The following LZTFL1 variants were observed in gnomAD, a reference collection of about 807,000 sequenced individuals.
The protein encoded by LZTFL1 is leucine zipper transcription factor-like protein 1.
A neutral mutation model predicts 45.9 loss-of-function variants in LZTFL1; 25 were observed. That is an observed-to-expected ratio of 0.54 (90% CI 0.40 to 0.76). LZTFL1 has a LOEUF of 0.76. Among genes scored for constraint, LZTFL1 ranks in the 30% least tolerant of loss-of-function variants. LZTFL1 has a pLI of 0.00. For synonymous variants in LZTFL1, 93 were observed against 117.4 expected, an observed-to-expected ratio of 0.79 and a Z score of 1.35; for missense variants, 277 against 331.1, an observed-to-expected ratio of 0.84 and a Z score of 1.27.
At chr3:45,841,526 CCG>C (rs1553613146) in intron 1 of LZTFL1, among the ~76,000 whole-genome samples, 5 of 152,140 alleles carry the variant, frequency 3.3e-5, no homozygotes, top group Non-Finnish European at 5.9e-5. Context: ...CCTCTGGTTA[CCG>C]CGCGCGCGCG....
intron 2 of LZTFL1, among the ~76,000 whole-genome samples, chr3:45,879,379 T>C (rs1701810712): frequency 6.6e-6 from 1 of 152,136 alleles, no homozygotes; most frequent in African/African-American, 2.4e-5. Context: ...GAGCCTTAAA[T>C]CCATATCAGT....
intron 4 of LZTFL1, among the ~76,000 whole-genome samples, chr3:45,848,472 A>G (rs947693686): frequency 3.3e-5 from 5 of 152,260 alleles, no homozygotes; most frequent in Admixed American, 6.5e-5. Flanking sequence ...CACACAAAAT[A>G]TGCAAGAACT....
intron 4 of LZTFL1, chr3:45,854,909 TG>T: frequency 9.6e-7 from 1 of 1,041,964 alleles, no homozygotes; most frequent in Non-Finnish European, 1.4e-6. Flanking sequence ...TCATCTAATC[TG>T]GAATAACAAT....
intron 2 of LZTFL1, among the ~76,000 whole-genome samples, chr3:45,859,511 G>A (rs1701446431): frequency 6.6e-6 from 1 of 152,152 alleles, no homozygotes; most frequent in African/African-American, 2.4e-5. Context: ...ACAGATGTGA[G>A]CCACTGAATG....
chr3:45,855,066 C>T lies in LZTFL1; in HGVS notation c.-129G>A, dbSNP rs946733776. ...TAGGGTACAACTTGATGGATTTTCT[C>T]TGCCTTCCCTAGAAAATGAGAGTTC... On this transcript the variant is annotated 5_prime_UTR_variant, in exon 4 of 5. Transcript: ENST00000472635. 4.8e-5 allele frequency: 74 copies of T among 1,527,306 alleles called. No homozygotes were observed. The African/African-American group carries it at 8.8e-4, about 18-fold the overall frequency. 94.6% of individuals were successfully genotyped at this position (1,527,306 alleles called of 1,614,324 possible).
chr3:45,910,738 T>A (rs1029184379), intron 2 of LZTFL1, among the ~76,000 whole-genome samples: 5 of 152,258 alleles, frequency 3.3e-5, no homozygotes, highest in African/African-American at 1.2e-4. Flanking sequence ...GAAGTGATTC[T>A]AAGAACCTTG....
At chr3:45,895,482 G>A (rs1702323921) in intron 2 of LZTFL1, among the ~76,000 whole-genome samples, 1 of 152,172 alleles carries the variant, frequency 6.6e-6, no homozygotes, top group African/African-American at 2.4e-5. Flanking sequence ...AGGCAGAGGC[G>A]GGCGGATCAC....
At chr3:45,857,167 AC>A (rs1280921836) in intron 3 of LZTFL1, among the ~76,000 whole-genome samples, 4 of 152,252 alleles carry the variant, frequency 2.6e-5, no homozygotes, top group African/African-American at 4.8e-5. Flanking sequence ...TGGCACATAT[AC>A]ACCATGGAAT....
intron 1 of LZTFL1, 100 bp from the exon 2 acceptor site, chr3:45,838,151 T>G: frequency 2.3e-6 from 3 of 1,281,848 alleles, no homozygotes; most frequent in Non-Finnish European, 3.2e-6. Flanking sequence ...GACTGCTAGA[T>G]CTCCATCAAA....
intron 2 of LZTFL1, among the ~76,000 whole-genome samples, chr3:45,870,794 C>A (rs887428411): frequency 6.6e-6 from 1 of 152,224 alleles, no homozygotes; most frequent in Non-Finnish European, 1.5e-5. Flanking sequence ...TCCTTCACCA[C>A]CTTCCACCAC....
intron 4 of LZTFL1, among the ~76,000 whole-genome samples, chr3:45,847,361 T>C (rs973182543): frequency 6.6e-6 from 1 of 152,124 alleles, no homozygotes; most frequent in African/African-American, 2.4e-5. Flanking sequence ...TGATGTTGTC[T>C]CCGCTGGGGT....
chr3:45,915,551 A>C, exon 1 of LZTFL1: 1 of 456,312 alleles, frequency 2.2e-6, no homozygotes, highest in South Asian at 1.5e-5. Context: ...GATTCTATGG[A>C]CCCACAGGCC....
intron 8 of LZTFL1, 36 bp from the exon 9 acceptor site, chr3:45,827,495 A>G (rs1417456154): frequency 5.4e-6 from 7 of 1,301,368 alleles, no homozygotes; most frequent in Non-Finnish European, 6.7e-6. Context: ...TTACTAAAAA[A>G]ATAGTTAAGG....
chr3:45,887,534 T>C (rs576363103), intron 2 of LZTFL1, among the ~76,000 whole-genome samples: 2 of 152,338 alleles, frequency 1.3e-5, no homozygotes, highest in Admixed American at 1.3e-4. Flanking sequence ...TGTTACTCCA[T>C]AGACGGCTGG....
intron 1 of LZTFL1, among the ~76,000 whole-genome samples, chr3:45,841,024 G>T (rs1259806639): frequency 6.6e-6 from 1 of 152,226 alleles, no homozygotes; most frequent in Non-Finnish European, 1.5e-5. Context: ...TGATGGAAAG[G>T]AATGACAGAA....
upstream of LZTFL1, among the ~76,000 whole-genome samples, chr3:45,844,852 T>C (rs1701192902): frequency 6.6e-6 from 1 of 152,182 alleles, no homozygotes; most frequent in Admixed American, 6.5e-5. Context: ...GTGAAATCAC[T>C]ATCACATGCA....
At chr3:45,893,507 G>A (rs1022662730) in intron 2 of LZTFL1, among the ~76,000 whole-genome samples, 48 of 152,246 alleles carry the variant, frequency 3.2e-4, no homozygotes, top group South Asian at 1.9e-3. Context: ...TCTGCTTTCC[G>A]TCAGTATAGA....
At chr3:45,869,099 C>T (rs1373317040) in intron 2 of LZTFL1, among the ~76,000 whole-genome samples, 1 of 152,174 alleles carries the variant, frequency 6.6e-6, no homozygotes, top group Non-Finnish European at 1.5e-5. Flanking sequence ...TCTTGTGTGA[C>T]ACTGACTGAA....
At chr3:45,845,941 A>C (rs990036360), upstream of LZTFL1, among the ~76,000 whole-genome samples, 7 of 152,232 alleles carry the variant, frequency 4.6e-5, no homozygotes, top group Middle Eastern at 3.2e-3. Context: ...TAGCCAGCTT[A>C]TATGAGTTTG....
Sources: allele counts gnomAD v4.1 joint callset (sites outside exome capture counted in the v4.1 genomes callset), GRCh38; gene constraint gnomAD v4.1.1; transcripts MANE v1.5; gene names NCBI Gene and HGNC (gene_info 2026-07-23, HGNC 2026-07-21).